MATCAP2: variants seen among roughly 807,000 people sequenced by gnomAD.
MATCAP2 encodes putative tyrosine carboxypeptidase MATCAP2.
At chr7:36,366,585 A>G in the MATCAP2 span, 1 of 1,195,284 alleles carries the variant, frequency 8.4e-7, no homozygotes, top group Non-Finnish European at 1.2e-6. Context: ...ATGAAGCTTA[A>G]TCACACACCT....
chr7:36,331,386 G>C, the MATCAP2 span, among the ~76,000 whole-genome samples: 1 of 152,026 alleles, frequency 6.6e-6, no homozygotes, highest in Non-Finnish European at 1.5e-5. Flanking sequence ...TTAGAAATAT[G>C]ATTATCCCAC....
chr7:36,361,040 A>AC, the MATCAP2 span, among the ~76,000 whole-genome samples: 4 of 152,208 alleles, frequency 2.6e-5, no homozygotes, highest in Non-Finnish European at 4.4e-5. Context: ...CAACCTGATT[A>AC]CCCATACTGA....
At chr7:36,367,183 C>G in the MATCAP2 span, 3 of 1,194,974 alleles carry the variant, frequency 2.5e-6, no homozygotes, top group Non-Finnish European at 3.1e-6. Context: ...CTTACGGTGC[C>G]CAGCAGCGCT....
chr7:36,355,515 C>A, the MATCAP2 span: 1 of 152,146 alleles, frequency 6.6e-6, no homozygotes, highest in African/African-American at 2.4e-5. Context: ...AGCAAAGAGA[C>A]CCTAACAAAG....
chr7:36,363,642 A>G, the MATCAP2 span, among the ~76,000 whole-genome samples: 3 of 152,352 alleles, frequency 2.0e-5, no homozygotes, highest in Admixed American at 6.5e-5. Flanking sequence ...GCAGTTGACA[A>G]CATGGACTTT....
At chr7:36,369,879 T>C in the MATCAP2 span, among the ~76,000 whole-genome samples, 2 of 152,218 alleles carry the variant, frequency 1.3e-5, no homozygotes, top group South Asian at 2.1e-4. Flanking sequence ...ACAAATTTGA[T>C]GCCTCTGTAG....
chr7:36,367,983 T>G, the MATCAP2 span, among the ~76,000 whole-genome samples: 4 of 151,854 alleles, frequency 2.6e-5, no homozygotes, highest in Admixed American at 1.3e-4. Context: ...GAGGATTGCT[T>G]GAGTCCGAGA....
chr7:36,327,038 G>C, the MATCAP2 span: 1 of 839,226 alleles, frequency 1.2e-6, no homozygotes, highest in East Asian at 2.7e-5. Flanking sequence ...TATTTTAATA[G>C]CTGCAAAGTA....
chr7:36,330,376 G>A, the MATCAP2 span, among the ~76,000 whole-genome samples: 2 of 152,126 alleles, frequency 1.3e-5, no homozygotes, highest in Admixed American at 1.3e-4. Context: ...TGGGTTTGCG[G>A]GCGTGAGCCA....
the MATCAP2 span, among the ~76,000 whole-genome samples, chr7:36,389,566 C>T: frequency 6.6e-6 from 1 of 152,184 alleles, no homozygotes; most frequent in African/African-American, 2.4e-5. Context: ...GCGGGAACAC[C>T]CAAACGCGGT....
the MATCAP2 span, chr7:36,367,362 A>G: frequency 3.0e-6 from 3 of 988,918 alleles, no homozygotes; most frequent in South Asian, 9.4e-5. Flanking sequence ...CGGCGTGCAC[A>G]GCGCGGGCCA....
At chr7:36,383,841 GC>G in the MATCAP2 span, 4 of 1,530,712 alleles carry the variant, frequency 2.6e-6, no homozygotes, top group Non-Finnish European at 3.6e-6. Flanking sequence ...AAAAGAAGTG[GC>G]CCTTCAGCCA....
the MATCAP2 span, chr7:36,366,713 G>A: frequency 6.5e-7 from 1 of 1,535,284 alleles, no homozygotes; most frequent in Non-Finnish European, 8.7e-7. Flanking sequence ...CTGATAATAA[G>A]TGACGAAAGG....
At chr7:36,348,154 T>G in the MATCAP2 span, among the ~76,000 whole-genome samples, 1 of 152,138 alleles carries the variant, frequency 6.6e-6, no homozygotes, top group Non-Finnish European at 1.5e-5. Context: ...GGGATATATA[T>G]ACATACATAT....
the MATCAP2 span, among the ~76,000 whole-genome samples, chr7:36,339,323 T>C: frequency 3.9e-5 from 6 of 152,210 alleles, no homozygotes; most frequent in African/African-American, 1.4e-4. Context: ...TAATAAGAAA[T>C]GGCTTCAATA....
the MATCAP2 span, among the ~76,000 whole-genome samples, chr7:36,329,256 GA>G: frequency 6.6e-6 from 1 of 152,116 alleles, no homozygotes; most frequent in East Asian, 1.9e-4. Flanking sequence ...CTGACATTGA[GA>G]AACAAGGTTC....
the MATCAP2 span, among the ~76,000 whole-genome samples, chr7:36,354,561 G>A: frequency 6.6e-6 from 1 of 152,200 alleles, no homozygotes; most frequent in African/African-American, 2.4e-5. Context: ...TGGGTATCAT[G>A]TTTCTGAGTC....
At chr7:36,348,683 TG>T in the MATCAP2 span, among the ~76,000 whole-genome samples, 74 of 152,292 alleles carry the variant, frequency 4.9e-4, no homozygotes, top group African/African-American at 1.5e-3. Flanking sequence ...CTGGCAGAGA[TG>T]ACATATAAAC....
the MATCAP2 span, among the ~76,000 whole-genome samples, chr7:36,339,297 T>C: frequency 6.6e-6 from 1 of 152,242 alleles, no homozygotes. Context: ...GCTAGGCATA[T>C]ATCATTAAGT....
Sources: allele counts gnomAD v4.1 joint callset (sites outside exome capture counted in the v4.1 genomes callset), GRCh38; gene constraint gnomAD v4.1.1; transcripts MANE v1.5; gene names NCBI Gene and HGNC (gene_info 2026-07-23, HGNC 2026-07-21).